Variants in OPTN observed in about 807,000 individuals in gnomAD.
OPTN encodes E3-14.7K-interacting protein.
A neutral mutation model predicts 70.4 loss-of-function variants in OPTN; 54 were observed. The ratio of observed to expected loss-of-function variants is 0.77; its 90% CI spans 0.62 to 0.96. The LOEUF (loss-of-function observed/expected upper bound fraction) is 0.96, where lower values mean the gene tolerates loss of function less well. Among genes scored for constraint, OPTN ranks in the 40% least tolerant of loss-of-function variants. The pLI, the probability that OPTN is intolerant of heterozygous loss-of-function variation, is 0.00. For missense variants in OPTN, 624 were observed against 673.2 expected (o/e 0.93, Z 0.81); for synonymous variants, 256 against 248.5 (o/e 1.03, Z -0.28).
chr10:13,135,215 T>A (rs1833673964), intron 14 of OPTN, among the ~76,000 whole-genome samples: 1 of 152,040 alleles, frequency 6.6e-6, no homozygotes, highest in African/African-American at 2.4e-5. Flanking sequence ...TCCAGAAAGG[T>A]CAGAACAGAG....
chr10:13,127,762 G>A lies in OPTN; in HGVS notation c.1260G>A (p.Arg420=). ...LTRKESEKVD[R]AVLKELSEKL... Reference sequence around the variant, plus strand: ...TTTTTCAGTCAGAAAAAGTGGACAGGGCAGTGCTGAAGGAACTGAGTGAAA... The same window carrying A: ...TTTTTCAGTCAGAAAAAGTGGACAGAGCAGTGCTGAAGGAACTGAGTGAAA... The change falls in exon 12 of 15, where the codon AGG becomes AGA. Residue 420 remains arginine, a synonymous_variant. Coordinates refer to ENST00000378747, the MANE Select transcript of OPTN (RefSeq NM_001008212.2). The A allele has an allele frequency of 1.2e-6, 2 of 1,614,106 alleles. No individual in the cohort carries two copies. The highest frequency in any genetic ancestry group is 2.2e-5 in the South Asian group (2 of 91,080).
chr10:13,109,397 T>C, intron 3 of OPTN, 109 bp downstream of exon 3: 1 of 1,093,974 alleles, frequency 9.1e-7, no homozygotes. Context: ...TTTCCATAGG[T>C]GGTAGCTGGT....
At chr10:13,115,952 G>A (rs1196457021) in intron 5 of OPTN, among the ~76,000 whole-genome samples, 2 of 152,068 alleles carry the variant, frequency 1.3e-5, no homozygotes, top group African/African-American at 2.4e-5. Context: ...TTGAGAAAGA[G>A]GGAACTGCCA....
chr10:13,136,910 T>A lies in OPTN; in HGVS notation c.*44T>A. 6.2e-7 allele frequency: 1 copy of A among 1,612,582 alleles called. No individual in the cohort carries two copies. Among genetic ancestry groups the A allele is most frequent in the Non-Finnish European group, 8.5e-7 (1 of 1,178,876 alleles). On this transcript the variant is annotated 3_prime_UTR_variant, in exon 15 of 15. Coordinates refer to ENST00000378747, the MANE Select transcript of OPTN (RefSeq NM_001008212.2). ...CCCAAAACTGTTGGTAAATGTCAGA[T>A]TTTTTCCTCCAAGAGTTGTGCTTTT...
rs959691987 is a variant in OPTN at position 13,133,666 on chromosome 10, C to T, written c.1612+85C>T. Reference sequence around the variant, plus strand: ...AAGAAAAATTCCACTTCATTCTCTACAATGGATTCCAAATCAAGGCACCAA... The same window carrying T: ...AAGAAAAATTCCACTTCATTCTCTATAATGGATTCCAAATCAAGGCACCAA... On this transcript the variant is annotated intron_variant, in intron 14 of 14. Coordinates refer to ENST00000378747, the MANE Select transcript of OPTN (RefSeq NM_001008212.2). 6.7e-5 allele frequency: 82 copies of T among 1,215,836 alleles called. No homozygotes were observed. The African/African-American group carries it at 1.2e-3, about 17-fold the overall frequency. The allele number at this position is 1,215,836 out of a possible 1,614,324, so 75.3% of individuals were successfully genotyped here.
chr10:13,107,546 T>C (rs992399265), intron 1 of OPTN, among the ~76,000 whole-genome samples: 1 of 151,036 alleles, frequency 6.6e-6, no homozygotes, highest in Non-Finnish European at 1.5e-5. Flanking sequence ...GCTTGGCTAA[T>C]TTTTTGTATT....
chr10:13,114,786 T>TACGTA lies in OPTN; in HGVS notation c.553-1481_553-1480insACGTA, dbSNP rs1564358681. 4.1e-4 allele frequency among the ~76,000 whole-genome samples: 42 copies of TACGTA among 103,676 alleles called. 1 individual carries two copies. Among genetic ancestry groups the TACGTA allele is most frequent in the African/African-American group, 9.8e-4 (25 of 25,576 alleles). The allele number at this position is 103,676 out of a possible 152,430, so 68.0% of individuals were successfully genotyped here. ...CATATATAATTATATAATTATATAA[T>TACGTA]TATATAATTATATATACATATATAT... is the stretch of plus-strand genomic sequence containing the variant. On this transcript the variant is annotated intron_variant, in intron 5 of 14. Coordinates refer to ENST00000378747, the MANE Select transcript of OPTN (RefSeq NM_001008212.2).
intron 7 of OPTN, among the ~76,000 whole-genome samples, chr10:13,120,278 G>A (rs938481718): frequency 4.0e-5 from 6 of 151,788 alleles, no homozygotes; most frequent in African/African-American, 7.3e-5. Flanking sequence ...GTGAGCCACC[G>A]CGCCCGGCTG....
chr10:13,120,140 G>A (rs1468563968), intron 7 of OPTN, among the ~76,000 whole-genome samples: 7 of 150,796 alleles, frequency 4.6e-5, no homozygotes, highest in Non-Finnish European at 7.4e-5. Context: ...CCGCCACCAC[G>A]CCCGGCTAAT....
chr10:13,102,885 G>T (rs1424402797), intron 1 of OPTN, among the ~76,000 whole-genome samples: 1 of 152,092 alleles, frequency 6.6e-6, no homozygotes, highest in African/African-American at 2.4e-5. Flanking sequence ...GGAGGTTGCA[G>T]TGAGCTGAGA....
At chr10:13,104,142 A>G (rs1832807719) in intron 1 of OPTN, among the ~76,000 whole-genome samples, 1 of 152,118 alleles carries the variant, frequency 6.6e-6, no homozygotes, top group South Asian at 2.1e-4. Context: ...CCACCGACAG[A>G]TATTTCATAT....
At chr10:13,127,171 G>C (rs1316092149) in intron 11 of OPTN, among the ~76,000 whole-genome samples, 5 of 152,106 alleles carry the variant, frequency 3.3e-5, no homozygotes, top group Non-Finnish European at 7.4e-5. Flanking sequence ...TTTTAAAGAG[G>C]AGGTTTTGCC....
rs570586529 is a variant in OPTN, at chr10:13,124,634, CA to C, written c.998+525del. On this transcript the variant is annotated intron_variant, in intron 9 of 14. Coordinates refer to ENST00000378747, the MANE Select transcript of OPTN (RefSeq NM_001008212.2). ...TAAGTTGATGCTGTTCTATTGGATT[CA>C]TTGGCAAACATGTTTCTAGCACAAT... 5.9e-5 allele frequency among the ~76,000 whole-genome samples: 9 copies of C among 152,324 alleles called. No individual in the cohort carries two copies. The South Asian group carries it at 1.4e-3, about 25-fold the overall frequency.
At chr10:13,122,717 G>C (rs986701647) in intron 8 of OPTN, 2 of 465,490 alleles carry the variant, frequency 4.3e-6, no homozygotes, top group Admixed American at 3.0e-5. Flanking sequence ...TCACTCTGTC[G>C]CCAGGCTGGA....
intron 4 of OPTN, among the ~76,000 whole-genome samples, chr10:13,111,842 CTGT>C (rs1564356896): frequency 9.1e-6 from 1 of 110,258 alleles, no homozygotes; most frequent in Non-Finnish European, 1.8e-5. Flanking sequence ...TGTTTTTTGA[CTGT>C]TTTTTTTTTT....
rs370995597 is a variant in OPTN, at chr10:13,120,939, C to T, written c.780-1446C>T. Among the ~76,000 whole-genome samples, 14 of 152,292 alleles carry T rather than the reference C, an allele frequency of 9.2e-5. 2 individuals carry two copies. Among genetic ancestry groups the T allele is most frequent in the Admixed American group, 3.9e-4 (6 of 15,296 alleles). ...AAGGGGAAGCAAGGCACCTTCTTCA[C>T]AAGGTGGCAGAAAGGAGAAGGAACG... On this transcript the variant is annotated intron_variant, in intron 7 of 14. Coordinates refer to ENST00000378747, the MANE Select transcript of OPTN (RefSeq NM_001008212.2).
At position 13,125,657 on chromosome 10, in the gene OPTN, T is replaced by G. The variant is rs1833442370; in HGVS notation, c.1148+90T>G. 17 of 1,519,006 alleles carry G rather than the reference T, an allele frequency of 1.1e-5. No homozygotes were observed. In the Middle Eastern group the frequency reaches 5.3e-4, roughly 47 times the overall value. 94.1% of individuals were successfully genotyped at this position (1,519,006 alleles called of 1,614,324 possible). A position where few individuals can be genotyped will look rare whatever the true frequency, so the allele number is the denominator to read the frequency against. ...ATTGGAATTCGGATTTGAGAATAAA[T>G]TTTAAAAAATTTCTTTTTCACTTAT... is the stretch of plus-strand genomic sequence containing the variant. On this transcript the variant is annotated intron_variant, in intron 10 of 14. Coordinates refer to ENST00000378747, the MANE Select transcript of OPTN (RefSeq NM_001008212.2).
At position 13,111,479 on chromosome 10, in the gene OPTN, CCT is replaced by C. The variant is rs1174597576; in HGVS notation, c.370-973_370-972del. On this transcript the variant is annotated intron_variant, in intron 4 of 14. Coordinates refer to ENST00000378747, the MANE Select transcript of OPTN (RefSeq NM_001008212.2). The stretch of plus-strand genomic sequence containing the variant: ...TTGGGAGGCTAGGGTGGGCAGATCA[CCT>C]GAGGTGAGGAGTTCGAGACCAGCCT... Among the ~76,000 whole-genome samples, 15 of 152,232 alleles carry C rather than the reference CCT, an allele frequency of 9.9e-5. No individual in the cohort carries two copies. In the East Asian group the frequency reaches 2.9e-3, roughly 29 times the overall value.
chr10:13,121,298 CT>C (rs926625699), intron 7 of OPTN, among the ~76,000 whole-genome samples: 4 of 151,902 alleles, frequency 2.6e-5, no homozygotes, highest in Non-Finnish European at 5.9e-5. Context: ...CTTCTGGGTT[CT>C]TTGCTGTTGC....
Sources: allele counts gnomAD v4.1 joint callset (sites outside exome capture counted in the v4.1 genomes callset), GRCh38; gene constraint gnomAD v4.1.1; transcripts MANE v1.5; gene names NCBI Gene and HGNC (gene_info 2026-07-23, HGNC 2026-07-21).